Variants in ZNF677 observed in about 807,000 individuals in gnomAD.
The protein encoded by ZNF677 is hypothetical protein MGC48625.
In ZNF677, 5 loss-of-function variants were observed where a neutral mutation model predicts 8.1. That is an observed-to-expected ratio of 0.62 (90% CI 0.32 to 1.29). The LOEUF is 1.29. Ranked by LOEUF, ZNF677 falls within the 50% of genes most tolerant of loss-of-function variation. The probability of loss-of-function intolerance (pLI) is 0.05; values close to 1 mark genes in which losing one functional copy is unlikely to be tolerated. For missense variants in ZNF677, 685 were observed against 685.9 expected (o/e 1.00, Z 0.01); for synonymous variants, 221 against 225.6 (o/e 0.98, Z 0.18).
At position 53,238,156 on chromosome 19, in the gene ZNF677, T is replaced by C. The variant is rs774138910; in HGVS notation, c.571A>G (p.Ile191Val). 4.3e-6 allele frequency: 7 copies of C among 1,613,068 alleles called. No individual in the cohort carries two copies. In the East Asian group the frequency reaches 1.6e-4, roughly 36 times the overall value. The change falls in exon 5 of 5, where the codon ATT becomes GTT. Residue 191 changes from isoleucine (I) to valine (V), a missense_variant. By Grantham distance (29) the Ile-to-Val change is conservative. Transcript: ENST00000598513. Reference sequence around the variant, plus strand: ...AGCTGTGCCTGTAAGCTTAATCCAATTTTATTTTCAAAACACTTCACGTAT... The same window carrying C: ...AGCTGTGCCTGTAAGCTTAATCCAACTTTATTTTCAAAACACTTCACGTAT... Reference protein sequence around the residue: ...NKYVKCFENKIGLSLQAQLAE... With the variant: ...NKYVKCFENKVGLSLQAQLAE...
intron 4 of ZNF677, 118 bp downstream of exon 4, chr19:53,243,626 C>T: frequency 2.2e-6 from 3 of 1,372,074 alleles, no homozygotes. Flanking sequence ...AGCCTTTCCA[C>T]TCTCAATCAA....
At chr19:53,243,184 C>T (rs1643593733) in intron 4 of ZNF677, 1 of 153,474 alleles carries the variant, frequency 6.5e-6, no homozygotes, top group African/African-American at 2.4e-5. Context: ...TTTCACTTCA[C>T]TTTCCATAGT....
intron 4 of ZNF677, chr19:53,242,067 T>TA (rs1467919367): frequency 2.5e-6 from 1 of 394,270 alleles, no homozygotes; most frequent in Non-Finnish European, 4.5e-6. Flanking sequence ...GAGCAGCTGG[T>TA]ATTACAGGCA....
intron 2 of ZNF677, 167 bp from the exon 3 acceptor site, chr19:53,251,772 T>A (rs2091238190): frequency 1.8e-6 from 1 of 542,604 alleles, no homozygotes. Context: ...AAACAGAGAC[T>A]AAGGAGTTAT....
In ZNF677 at chr19:53,237,887, A is replaced by G. The variant is rs553768203; in HGVS notation, c.840T>C (p.Asn280=). 8 of 1,613,302 alleles carry G rather than the reference A, an allele frequency of 5.0e-6. No homozygotes were observed. The highest frequency in any genetic ancestry group is 6.8e-6 in the Non-Finnish European group (8 of 1,180,020). ...TCTGTCCAGAGTGAATTCTCTGATGATTAGTGAGGTTCGAACTTTTGCTAA... is the reference window on the plus strand; with the variant it reads ...TCTGTCCAGAGTGAATTCTCTGATGGTTAGTGAGGTTCGAACTTTTGCTAA... ...KAFSKSSNLT[N]HQRIHSGQRP... is the part of the protein sequence containing the mutation. The change falls in exon 5 of 5, where the codon AAT becomes AAC. Residue 280 remains asparagine (N), a synonymous_variant. Coordinates refer to ENST00000598513, the MANE Select transcript of ZNF677 (RefSeq NM_182609.4).
chr19:53,251,727 G>A (rs2091237185), intron 2 of ZNF677, 122 bp from the exon 3 acceptor site: 2 of 643,646 alleles, frequency 3.1e-6, no homozygotes, highest in African/African-American at 1.9e-5. Context: ...ATTGCAACAA[G>A]AGTGAAAATA....
At chr19:53,253,462 CAG>C (rs144701327) in intron 1 of ZNF677, among the ~76,000 whole-genome samples, 2,782 of 152,296 alleles carry the variant, frequency 0.018, 100 homozygotes, top group African/African-American at 0.064. Flanking sequence ...GAGGCGGAGA[CAG>C]ATCACCTGAG....
At chr19:53,239,458 C>A (rs1407120054) in intron 4 of ZNF677, 1 of 151,992 alleles carries the variant, frequency 6.6e-6, no homozygotes, top group African/African-American at 2.4e-5. Flanking sequence ...AATTTCATGC[C>A]TGCAGTTATA....
intron 3 of ZNF677, among the ~76,000 whole-genome samples, chr19:53,250,445 G>A (rs867173483): frequency 6.6e-6 from 1 of 152,214 alleles, no homozygotes; most frequent in South Asian, 2.1e-4. Flanking sequence ...CACCAATGGT[G>A]GACTGAATAA....
At chr19:53,247,490 C>A (rs1043708824) in intron 3 of ZNF677, among the ~76,000 whole-genome samples, 1 of 152,164 alleles carries the variant, frequency 6.6e-6, no homozygotes, top group Admixed American at 6.5e-5. Flanking sequence ...GTCTGTGGTC[C>A]GTGGGTTAGA....
Position 53,237,479 on chromosome 19 carries a change from T to G in ZNF677, c.1248A>C (p.Ser416=). Residue 416 remains serine (S), a synonymous_variant, in exon 5 of 5, where the codon TCA becomes TCC. Transcript: ENST00000598513. ...GTATATTCTGATGCCTAGTGAGATGTGAGCACTGCTTAAAAGCTTTGCCAC... is the reference window on the plus strand; with the variant it reads ...GTATATTCTGATGCCTAGTGAGATGGGAGCACTGCTTAAAAGCTTTGCCAC... ...NECGKAFKQC[S]HLTRHQNIHP... 1 of 1,613,890 alleles carries G rather than the reference T, an allele frequency of 6.2e-7. No homozygotes were observed. Among genetic ancestry groups the G allele is most frequent in the Non-Finnish European group, 8.5e-7 (1 of 1,179,878 alleles).
intron 3 of ZNF677, among the ~76,000 whole-genome samples, chr19:53,244,518 CTT>C (rs2091105993): frequency 1.3e-5 from 2 of 152,214 alleles, no homozygotes; most frequent in Non-Finnish European, 1.5e-5. Flanking sequence ...CCCCATGTGA[CTT>C]TAACATGAAA....
Position 53,238,303 on chromosome 19 carries a change from G to A in ZNF677, c.424C>T (p.His142Tyr), listed in dbSNP as rs2146930892. Reference sequence around the variant, plus strand: ...GAAACACTCTGCTTTAAAGAGAAATGTATTGAGGATTTATTATGTTGTTGA... The same window carrying A: ...GAAACACTCTGCTTTAAAGAGAAATATATTGAGGATTTATTATGTTGTTGA... ...KDQQHNKSSI[H>Y]FSLKQSVSIR... The change falls in exon 5 of 5, where the codon CAT becomes TAT. Residue 142 changes from histidine to tyrosine, a missense_variant. Coordinates refer to ENST00000598513, the MANE Select transcript of ZNF677 (RefSeq NM_182609.4). 1.2e-6 allele frequency: 2 copies of A among 1,613,770 alleles called. No individual in the cohort carries two copies. The highest frequency in any genetic ancestry group is 1.1e-5 in the South Asian group (1 of 91,006).
At chr19:53,252,257 C>CCACATGCAGA (rs1424932737) in intron 2 of ZNF677, among the ~76,000 whole-genome samples, 2 of 152,138 alleles carry the variant, frequency 1.3e-5, no homozygotes, top group African/African-American at 4.8e-5. Context: ...CAAAAAATTG[C>CCACATGCAGA]CACATGCAGA....
At position 53,237,881 on chromosome 19, in the gene ZNF677, C is replaced by CG. The variant is rs1568688572; in HGVS notation, c.845_846insC (p.Gln282HisfsTer13). The CG allele has an allele frequency of 6.2e-7, 1 of 1,613,542 alleles. No homozygotes were observed. Among genetic ancestry groups the CG allele is most frequent in the South Asian group, 1.1e-5 (1 of 91,076 alleles). Reference sequence around the variant, plus strand: ...AAGGTCTCTGTCCAGAGTGAATTCTCTGATGATTAGTGAGGTTCGAACTTT... The same window carrying CG: ...AAGGTCTCTGTCCAGAGTGAATTCTCGTGATGATTAGTGAGGTTCGAACTTT... On this transcript the variant is annotated frameshift_variant, in exon 5 of 5. Transcript: ENST00000598513. LOFTEE classifies it low-confidence loss of function (END_TRUNC).
chr19:53,253,275 C>G (rs2091263235), intron 1 of ZNF677, 119 bp from the exon 2 acceptor site: 1 of 152,172 alleles, frequency 6.6e-6, no homozygotes, highest in African/African-American at 2.4e-5. Flanking sequence ...TCAAGGTCAA[C>G]TGTATTAAAC....
chr19:53,239,574 A>T (rs1195590442), intron 4 of ZNF677: 1 of 152,176 alleles, frequency 6.6e-6, no homozygotes, highest in Admixed American at 6.5e-5. Flanking sequence ...TTAACATTTT[A>T]TTATGTAGAG....
At chr19:53,252,237 C>G (rs1426537844) in intron 2 of ZNF677, among the ~76,000 whole-genome samples, 1 of 152,158 alleles carries the variant, frequency 6.6e-6, no homozygotes, top group Non-Finnish European at 1.5e-5. Flanking sequence ...TGTAACTGGG[C>G]ACCCTCTCTC....
chr19:53,249,792 T>C (rs1599924428), intron 3 of ZNF677, among the ~76,000 whole-genome samples: 1 of 152,200 alleles, frequency 6.6e-6, no homozygotes, highest in Non-Finnish European at 1.5e-5. Context: ...AGAATTTGGC[T>C]CCTGCCTCTC....
Sources: allele counts gnomAD v4.1 joint callset (sites outside exome capture counted in the v4.1 genomes callset), GRCh38; gene constraint gnomAD v4.1.1; transcripts MANE v1.5; gene names NCBI Gene and HGNC (gene_info 2026-07-23, HGNC 2026-07-21).